The following PDE1C variants were observed in gnomAD, a reference collection of about 807,000 sequenced individuals.
PDE1C encodes the protein phosphodiesterase 1C.
A neutral mutation model predicts 93.1 loss-of-function variants in PDE1C; 62 were observed. That is an observed-to-expected ratio of 0.67 (90% CI 0.54 to 0.82). The LOEUF is 0.82. Among genes scored for constraint, PDE1C ranks in the 40% least tolerant of loss-of-function variants. The probability of loss-of-function intolerance (pLI) is 0.00; values close to 1 mark genes in which losing one functional copy is unlikely to be tolerated. For missense variants in PDE1C, 742 were observed against 884.6 expected (o/e 0.84, Z 2.04); for synonymous variants, 325 against 310.1 (o/e 1.05, Z -0.50).
intron 9 of PDE1C, among the ~76,000 whole-genome samples, chr7:31,845,716 C>T (rs571687190): frequency 2.0e-5 from 3 of 152,156 alleles, no homozygotes; most frequent in South Asian, 4.2e-4. Flanking sequence ...GGTGGCCAGG[C>T]ACAGTGGCTC....
intron 7 of PDE1C, among the ~76,000 whole-genome samples, chr7:31,854,455 T>A (rs1406375598): frequency 2.0e-5 from 3 of 152,186 alleles, no homozygotes; most frequent in Non-Finnish European, 4.4e-5. Flanking sequence ...CTATCAGTAT[T>A]TTCCTATCTA....
chr7:32,030,075 T>C (rs954717969), intron 2 of PDE1C, among the ~76,000 whole-genome samples: 2 of 121,742 alleles, frequency 1.6e-5, no homozygotes, highest in African/African-American at 6.4e-5. Flanking sequence ...AAATGCATAT[T>C]ATAACACACA....
intron 16 of PDE1C, among the ~76,000 whole-genome samples, chr7:31,777,200 C>G (rs1473437873): frequency 6.6e-6 from 1 of 151,666 alleles, no homozygotes; most frequent in Non-Finnish European, 1.5e-5. Context: ...GAAGACTGGG[C>G]AGTGTCAGAG....
At chr7:32,347,391 A>G (rs974717180) in intron 1 of PDE1C, among the ~76,000 whole-genome samples, 2 of 152,222 alleles carry the variant, frequency 1.3e-5, no homozygotes, top group Non-Finnish European at 2.9e-5. Flanking sequence ...TATTAGAATA[A>G]GAATCAAGAA....
At chr7:31,643,999 A>G in the PDE1C span, 1 of 1,499,432 alleles carries the variant, frequency 6.7e-7, no homozygotes. Context: ...TGCACCCGTG[A>G]TAAACACCTC....
chr7:32,318,012 C>T (rs1368746156), intron 1 of PDE1C, among the ~76,000 whole-genome samples: 1 of 152,156 alleles, frequency 6.6e-6, no homozygotes, highest in Non-Finnish European at 1.5e-5. Flanking sequence ...GAAAAGGTAA[C>T]CCTAACAATT....
intron 1 of PDE1C, among the ~76,000 whole-genome samples, chr7:32,285,848 T>C (rs1811967626): frequency 6.7e-6 from 1 of 149,542 alleles, no homozygotes; most frequent in South Asian, 2.2e-4. Context: ...GAGGGAAAGA[T>C]AAAACAAGAG....
chr7:32,197,230 C>T (rs1235347906), intron 2 of PDE1C, among the ~76,000 whole-genome samples: 2 of 152,014 alleles, frequency 1.3e-5, no homozygotes, highest in Non-Finnish European at 2.9e-5. Flanking sequence ...TAGAGAAATA[C>T]AAATCAAAGC....
chr7:31,848,294 ATG>A (rs1030918041), intron 8 of PDE1C, among the ~76,000 whole-genome samples, 198 bp from the exon 9 acceptor site: 1 of 152,164 alleles, frequency 6.6e-6, no homozygotes, highest in Non-Finnish European at 1.5e-5. Flanking sequence ...ATATCAGTAC[ATG>A]TGTGGGCAGG....
chr7:32,188,937 T>G lies in PDE1C; in HGVS notation c.137-18981A>C, dbSNP rs147597451. Among the ~76,000 whole-genome samples, 1,305 of 152,256 alleles carry G rather than the reference T, an allele frequency of 8.6e-3. 23 individuals are homozygous for G. The highest frequency in any genetic ancestry group is 0.029 in the African/African-American group (1,224 of 41,560). ...GAATCAAGAATAAGACTAACATTTGTATTCAAACAGCTAGTTATCACAATA... is the reference window on the plus strand; with the variant it reads ...GAATCAAGAATAAGACTAACATTTGGATTCAAACAGCTAGTTATCACAATA... On this transcript the variant is annotated intron_variant, in intron 2 of 18. Transcript: ENST00000396193.
the PDE1C span, among the ~76,000 whole-genome samples, chr7:31,665,821 A>G: frequency 6.6e-6 from 1 of 152,228 alleles, no homozygotes; most frequent in Admixed American, 6.5e-5. Context: ...CCTTTGATGT[A>G]TATAGATAAT....
chr7:31,962,221 A>C (rs1326301399), intron 2 of PDE1C, among the ~76,000 whole-genome samples: 2 of 152,232 alleles, frequency 1.3e-5, no homozygotes, highest in African/African-American at 4.8e-5. Flanking sequence ...CCCAGAGAGC[A>C]TTTCAAAGTA....
intron 1 of PDE1C, among the ~76,000 whole-genome samples, chr7:32,261,505 C>T (rs1810200928): frequency 6.6e-6 from 1 of 152,208 alleles, no homozygotes; most frequent in Non-Finnish European, 1.5e-5. Flanking sequence ...GCACAGCCAG[C>T]TCTGCGTGAA....
intron 2 of PDE1C, among the ~76,000 whole-genome samples, chr7:32,186,737 T>A (rs1157782173): frequency 2.0e-5 from 3 of 152,194 alleles, no homozygotes; most frequent in Non-Finnish European, 4.4e-5. Context: ...TCCTACATAA[T>A]CTAATCTTGA....
At chr7:32,133,624 C>A (rs915036765) in intron 3 of PDE1C, among the ~76,000 whole-genome samples, 3 of 152,130 alleles carry the variant, frequency 2.0e-5, no homozygotes, top group African/African-American at 7.2e-5. Flanking sequence ...GAGTGACCAC[C>A]CACCACACGC....
intron 2 of PDE1C, among the ~76,000 whole-genome samples, chr7:31,904,517 T>G (rs1004006071): frequency 1.3e-5 from 2 of 152,032 alleles, no homozygotes; most frequent in African/African-American, 4.8e-5. Flanking sequence ...TCCAAATATT[T>G]AAATATGGAG....
the PDE1C span, among the ~76,000 whole-genome samples, chr7:31,712,702 G>A: frequency 1.3e-5 from 2 of 152,140 alleles, no homozygotes; most frequent in Non-Finnish European, 2.9e-5. Flanking sequence ...AAGAAAAAGA[G>A]GTTTAATGGA....
chr7:32,210,515 T>C (rs1433044362), intron 1 of PDE1C, among the ~76,000 whole-genome samples: 2 of 152,242 alleles, frequency 1.3e-5, no homozygotes, highest in African/African-American at 2.4e-5. Flanking sequence ...TCTAAACTTA[T>C]TATATCGTTT....
chr7:31,786,823 G>A (rs905312833), intron 16 of PDE1C: 1 of 152,048 alleles, frequency 6.6e-6, no homozygotes, highest in African/African-American at 2.4e-5. Flanking sequence ...GCTCCATGGG[G>A]AATGTTACAA....
Sources: allele counts gnomAD v4.1 joint callset (sites outside exome capture counted in the v4.1 genomes callset), GRCh38; gene constraint gnomAD v4.1.1; transcripts MANE v1.5; gene names NCBI Gene and HGNC (gene_info 2026-07-23, HGNC 2026-07-21).